STIMATE: variants seen among roughly 807,000 people sequenced by gnomAD.
STIMATE encodes store-operated calcium entry regulator STIMATE.
In STIMATE, 15 loss-of-function variants were observed where a neutral mutation model predicts 36.7. The ratio of observed to expected loss-of-function variants is 0.41; its 90% CI spans 0.27 to 0.63. The LOEUF (loss-of-function observed/expected upper bound fraction) is 0.63, where lower values mean the gene tolerates loss of function less well. Ranked by LOEUF, STIMATE falls within the 20% of genes least tolerant of loss-of-function variation. The pLI, the probability that STIMATE is intolerant of heterozygous loss-of-function variation, is 0.32. For missense variants in STIMATE, 305 were observed against 397.3 expected (o/e 0.77, Z 1.98); for synonymous variants, 163 against 162.3 (o/e 1.00, Z -0.03).
chr3:52,869,212 C>T (rs1346873333), intron 1 of STIMATE, among the ~76,000 whole-genome samples: 1 of 152,230 alleles, frequency 6.6e-6, no homozygotes, highest in East Asian at 1.9e-4. Flanking sequence ...ATCCCTTTGC[C>T]TTAGCAAGTC....
intron 1 of STIMATE, 52 bp downstream of exon 1, chr3:52,897,239 G>A (rs1163078638): frequency 2.6e-6 from 4 of 1,519,624 alleles, no homozygotes; most frequent in Non-Finnish European, 3.5e-6. Flanking sequence ...AGGGGGGCCG[G>A]GCCGCGGCTG....
At chr3:52,852,491 G>A (rs1559491208) in intron 3 of STIMATE, 112 bp downstream of exon 3, 5 of 1,335,578 alleles carry the variant, frequency 3.7e-6, no homozygotes, top group South Asian at 1.3e-5. Context: ...AGGAAAAGGG[G>A]AGCACCCTCT....
chr3:52,866,832 A>T (rs987431776), intron 1 of STIMATE, among the ~76,000 whole-genome samples: 1 of 152,262 alleles, frequency 6.6e-6, no homozygotes, highest in African/African-American at 2.4e-5. Context: ...TGGAAGGGAT[A>T]TAATTTCCAG....
intron 1 of STIMATE, among the ~76,000 whole-genome samples, chr3:52,880,775 TTC>T (rs1293786369): frequency 3.3e-5 from 5 of 152,232 alleles, no homozygotes; most frequent in African/African-American, 1.2e-4. Context: ...CAATATTAGC[TTC>T]TGTTTGACTC....
intron 4 of STIMATE, among the ~76,000 whole-genome samples, chr3:52,845,254 C>T (rs923047937): frequency 2.0e-5 from 3 of 152,242 alleles, no homozygotes; most frequent in African/African-American, 7.2e-5. Flanking sequence ...GTTCTTTCTG[C>T]CGGCTGGCAG....
At chr3:52,883,473 T>G (rs1454352187) in intron 1 of STIMATE, among the ~76,000 whole-genome samples, 1 of 152,224 alleles carries the variant, frequency 6.6e-6, no homozygotes, top group Non-Finnish European at 1.5e-5. Flanking sequence ...CTTAGATCTA[T>G]GAGTTTATAA....
At chr3:52,892,752 T>C (rs1034027269) in intron 1 of STIMATE, among the ~76,000 whole-genome samples, 1 of 152,202 alleles carries the variant, frequency 6.6e-6, no homozygotes, top group African/African-American at 2.4e-5. Context: ...AGGGAGAGAC[T>C]GAGAGGTCTT....
intron 1 of STIMATE, among the ~76,000 whole-genome samples, chr3:52,869,827 G>A (rs1297480059): frequency 6.6e-6 from 1 of 152,174 alleles, no homozygotes; most frequent in African/African-American, 2.4e-5. Context: ...TCAAAACCTG[G>A]CTTTAGAGCC....
rs542908156 is a variant in STIMATE at position 52,894,821 on chromosome 3, G to A, written c.160+2470C>T. On this transcript the variant is annotated intron_variant, in intron 1 of 7. Transcript: ENST00000355083. ...GTGAGCCCATTGCCTCGAGGGCCACGGGTACTCAGAAGGGAAAAGACTGTG... is the reference window on the plus strand; with the variant it reads ...GTGAGCCCATTGCCTCGAGGGCCACAGGTACTCAGAAGGGAAAAGACTGTG... Among the ~76,000 whole-genome samples the A allele has an allele frequency of 4.1e-4, 63 of 152,298 alleles. No homozygotes were observed. In the South Asian group the frequency reaches 0.011, roughly 26 times the overall value.
chr3:52,844,959 T>C lies in STIMATE; in HGVS notation c.428-18A>G, dbSNP rs991831417. The C allele has an allele frequency of 4.3e-6, 7 of 1,610,994 alleles. No homozygotes were observed. The highest frequency in any genetic ancestry group is 5.9e-6 in the Non-Finnish European group (7 of 1,178,440). Reference sequence around the variant, plus strand: ...AGGGTCTCCTGCAGGGACAGGCGGGTGCTTAGTCACATGGGGCCCAGGCAT... The same window carrying C: ...AGGGTCTCCTGCAGGGACAGGCGGGCGCTTAGTCACATGGGGCCCAGGCAT... On this transcript the variant is annotated intron_variant, in intron 4 of 7. Coordinates refer to ENST00000355083, the MANE Select transcript of STIMATE (RefSeq NM_198563.5).
intron 4 of STIMATE, among the ~76,000 whole-genome samples, chr3:52,845,957 G>C (rs1700891659): frequency 6.6e-6 from 1 of 151,368 alleles, no homozygotes; most frequent in South Asian, 2.1e-4. Context: ...GGGAGGCTGG[G>C]GGGTAAAGGC....
chr3:52,854,425 GATGAACCCTCCATAAAAATCCCTAAACA>G (rs1701057833), intron 2 of STIMATE, among the ~76,000 whole-genome samples: 1 of 152,192 alleles, frequency 6.6e-6, no homozygotes, highest in East Asian at 1.9e-4. Context: ...ATGCCTACAT[GATGAACCCTCCATAAAAATCCCTAAACA>G]ATGGGATTTG....
chr3:52,894,429 A>G (rs1012660520), intron 1 of STIMATE, among the ~76,000 whole-genome samples: 3 of 152,184 alleles, frequency 2.0e-5, no homozygotes, highest in Non-Finnish European at 4.4e-5. Flanking sequence ...TAAACCCTAC[A>G]TAGTAAGGCA....
In STIMATE at chr3:52,840,981, C is replaced by T. The variant is rs373205576; in HGVS notation, c.769-371G>A. 8.5e-5 allele frequency among the ~76,000 whole-genome samples: 13 copies of T among 152,312 alleles called. 1 individual carries two copies. Among genetic ancestry groups the T allele is most frequent in the African/African-American group, 2.2e-4 (9 of 41,560 alleles). ...TCGGACTCCCAAAGTGCTGGGATTA[C>T]AGGCGTGAGCCACCATGCCTTGCCA... On this transcript the variant is annotated intron_variant, in intron 7 of 7. Transcript: ENST00000355083.
chr3:52,851,460 C>T (rs1700995963), intron 3 of STIMATE, among the ~76,000 whole-genome samples: 2 of 152,246 alleles, frequency 1.3e-5, no homozygotes, highest in African/African-American at 4.8e-5. Flanking sequence ...GTGATGTGCA[C>T]ACAGCACTCT....
chr3:52,859,148 G>A (rs1701159498), intron 1 of STIMATE, among the ~76,000 whole-genome samples: 1 of 144,374 alleles, frequency 6.9e-6, no homozygotes, highest in Admixed American at 7.3e-5. Context: ...GGCGACAAGA[G>A]CGAGACTCCA....
chr3:52,881,097 G>C (rs1701594692), intron 1 of STIMATE, among the ~76,000 whole-genome samples: 1 of 151,832 alleles, frequency 6.6e-6, no homozygotes. Context: ...TGAGGCAGGA[G>C]AATCACTTGA....
At chr3:52,864,072 C>A (rs1324696676) in intron 1 of STIMATE, among the ~76,000 whole-genome samples, 2 of 152,226 alleles carry the variant, frequency 1.3e-5, no homozygotes, top group African/African-American at 4.8e-5. Flanking sequence ...GACAGTGGCC[C>A]TCTTCTCACA....
chr3:52,896,870 A>G (rs1286936254), intron 1 of STIMATE, among the ~76,000 whole-genome samples: 1 of 152,248 alleles, frequency 6.6e-6, no homozygotes, highest in South Asian at 2.1e-4. Flanking sequence ...ATCCTTGAAG[A>G]GTGAAGGGGC....
Sources: allele counts gnomAD v4.1 joint callset (sites outside exome capture counted in the v4.1 genomes callset), GRCh38; gene constraint gnomAD v4.1.1; transcripts MANE v1.5; gene names NCBI Gene and HGNC (gene_info 2026-07-23, HGNC 2026-07-21).